PDZRN4: variants seen among roughly 807,000 people sequenced by gnomAD.
The protein encoded by PDZRN4 is PDZ domain-containing RING finger protein 4.
Under a neutral mutation model 99.0 loss-of-function variants are expected in PDZRN4, and 70 were observed. The ratio of observed to expected loss-of-function variants is 0.71; its 90% confidence interval spans 0.58 to 0.86. PDZRN4 has a LOEUF of 0.86. Among genes scored for constraint, PDZRN4 ranks in the 40% least tolerant of loss-of-function variants. The probability of loss-of-function intolerance (pLI) is 0.00; values close to 1 mark genes in which losing one functional copy is unlikely to be tolerated. For missense variants in PDZRN4, 1,474 were observed against 1,331.2 expected (o/e 1.11, Z -1.67); for synonymous variants, 551 against 501.6 (o/e 1.10, Z -1.32).
At chr12:41,489,288 T>C (rs897708496) in intron 3 of PDZRN4, among the ~76,000 whole-genome samples, 1 of 152,042 alleles carries the variant, frequency 6.6e-6, no homozygotes, top group African/African-American at 2.4e-5. Context: ...TGACATCTAG[T>C]GGGTAAAGGC....
intron 3 of PDZRN4, among the ~76,000 whole-genome samples, chr12:41,335,829 G>A (rs999621726): frequency 6.6e-6 from 1 of 151,978 alleles, no homozygotes; most frequent in African/African-American, 2.4e-5. Context: ...CAACATGGTA[G>A]CTTTATCTCA....
At chr12:41,329,078 A>C (rs1044675638) in intron 3 of PDZRN4, among the ~76,000 whole-genome samples, 1 of 152,028 alleles carries the variant, frequency 6.6e-6, no homozygotes, top group African/African-American at 2.4e-5. Flanking sequence ...TTCAACTTTA[A>C]ATTTCTTCCT....
chr12:41,551,186 G>A (rs1240160909), intron 5 of PDZRN4, among the ~76,000 whole-genome samples: 1 of 152,024 alleles, frequency 6.6e-6, no homozygotes, highest in Non-Finnish European at 1.5e-5. Context: ...CCTCATAGAG[G>A]TCACCTTCTC....
At chr12:41,418,621 A>G (rs1460438353) in intron 3 of PDZRN4, among the ~76,000 whole-genome samples, 1 of 152,214 alleles carries the variant, frequency 6.6e-6, no homozygotes, top group Non-Finnish European at 1.5e-5. Context: ...AATCTGTGAG[A>G]GTCACTACAT....
chr12:41,470,042 T>C (rs76580089), intron 3 of PDZRN4, among the ~76,000 whole-genome samples: 1,767 of 152,326 alleles, frequency 0.012, 28 homozygotes, highest in African/African-American at 0.041. Flanking sequence ...CTGTGGAAAG[T>C]CCTGTCATTT....
At chr12:41,469,637 A>G (rs530263408) in intron 3 of PDZRN4, among the ~76,000 whole-genome samples, 9 of 152,288 alleles carry the variant, frequency 5.9e-5, no homozygotes, top group Middle Eastern at 3.4e-3. Flanking sequence ...GGAAACCCCA[A>G]TGAAATGCTT....
intron 8 of PDZRN4, 105 bp from the exon 9 acceptor site, chr12:41,567,678 C>T: frequency 2.3e-6 from 1 of 434,832 alleles, no homozygotes; most frequent in Middle Eastern, 4.5e-4. Flanking sequence ...TGAAGAGAAT[C>T]ATTATGATAA....
At chr12:41,554,628 A>G (rs1262888229) in intron 6 of PDZRN4, among the ~76,000 whole-genome samples, 1 of 152,198 alleles carries the variant, frequency 6.6e-6, no homozygotes, top group Non-Finnish European at 1.5e-5. Flanking sequence ...ATCACATGAA[A>G]TCTGATAGAT....
chr12:41,221,770 C>T (rs561799181), intron 3 of PDZRN4, among the ~76,000 whole-genome samples: 2 of 152,048 alleles, frequency 1.3e-5, no homozygotes, highest in South Asian at 4.2e-4. Context: ...ACTTATTTGT[C>T]CTCAAGAAAG....
In PDZRN4 at chr12:41,508,774, G is replaced by C. The variant is rs534850809; in HGVS notation, c.1101-1037G>C. Among the ~76,000 whole-genome samples, 32 of 152,240 alleles carry C rather than the reference G, an allele frequency of 2.1e-4. 1 individual carries two copies. The highest frequency in any genetic ancestry group is 4.0e-4 in the Non-Finnish European group (27 of 67,992). On this transcript the variant is annotated intron_variant, in intron 4 of 9. Transcript: ENST00000402685. ...AGATAGTAGTGAGGAGAGGCTGGTAGAATATTTACGCTGACTATAGTATGA... is the reference window on the plus strand; with the variant it reads ...AGATAGTAGTGAGGAGAGGCTGGTACAATATTTACGCTGACTATAGTATGA...
At chr12:41,205,486 T>A (rs1950842772) in intron 3 of PDZRN4, among the ~76,000 whole-genome samples, 1 of 152,072 alleles carries the variant, frequency 6.6e-6, no homozygotes, top group South Asian at 2.1e-4. Flanking sequence ...GCTCACATTG[T>A]TCAAGCTACA....
chr12:41,420,886 T>C (rs1952483216), intron 3 of PDZRN4, among the ~76,000 whole-genome samples: 1 of 152,194 alleles, frequency 6.6e-6, no homozygotes, highest in Non-Finnish European at 1.5e-5. Flanking sequence ...ATCTTTGTTC[T>C]GAGAAGCACC....
chr12:41,193,404 A>G (rs1417774666), intron 2 of PDZRN4, among the ~76,000 whole-genome samples: 1 of 152,174 alleles, frequency 6.6e-6, no homozygotes, highest in Non-Finnish European at 1.5e-5. Context: ...ATAAGCTTTG[A>G]CTTCTTGTGA....
At chr12:41,193,399 CT>C (rs1396192323) in intron 2 of PDZRN4, among the ~76,000 whole-genome samples, 1 of 152,096 alleles carries the variant, frequency 6.6e-6, no homozygotes, top group Non-Finnish European at 1.5e-5. Flanking sequence ...CCTAAATAAG[CT>C]TTGACTTCTT....
At chr12:41,398,429 GT>G (rs1952265964) in intron 3 of PDZRN4, among the ~76,000 whole-genome samples, 1 of 151,852 alleles carries the variant, frequency 6.6e-6, no homozygotes, top group African/African-American at 2.4e-5. Context: ...AGAAAAGAAA[GT>G]GAAGGGAAAG....
chr12:41,366,605 CT>C (rs1025327372), intron 3 of PDZRN4, among the ~76,000 whole-genome samples: 3 of 151,900 alleles, frequency 2.0e-5, no homozygotes, highest in African/African-American at 7.3e-5. Flanking sequence ...ATAATGTTTC[CT>C]TTTGGGGTAA....
chr12:41,338,062 A>G (rs993943141), intron 3 of PDZRN4, among the ~76,000 whole-genome samples: 5 of 152,010 alleles, frequency 3.3e-5, no homozygotes, highest in African/African-American at 1.2e-4. Context: ...CCCAACCCCT[A>G]TGTGCTGTCT....
intron 3 of PDZRN4, among the ~76,000 whole-genome samples, chr12:41,249,457 T>C (rs1951154216): frequency 6.6e-6 from 1 of 152,120 alleles, no homozygotes; most frequent in Non-Finnish European, 1.5e-5. Flanking sequence ...CCAGACAATA[T>C]GGGAATGTAC....
chr12:41,188,606 C>T lies in PDZRN4; in HGVS notation c.151C>T (p.Arg51Trp), dbSNP rs780878674. 3.2e-6 allele frequency: 5 copies of T among 1,539,576 alleles called. No homozygotes were observed. In the Admixed American group the frequency reaches 5.8e-5, roughly 18 times the overall value. Reference protein sequence around the residue: ...CLLPWAVRRRRCPLQCQPLAP... With the variant: ...CLLPWAVRRRWCPLQCQPLAP... ...GTTGCCCTGGGCGGTGCGGAGGCGC[C>T]GGTGCCCGCTGCAGTGCCAGCCCTT... The change falls in exon 1 of 10, where the codon CGG becomes TGG. Residue 51 changes from arginine to tryptophan, a missense_variant. Coordinates refer to ENST00000402685, the MANE Select transcript of PDZRN4 (RefSeq NM_001164595.2).
Sources: gnomAD v4.1 joint callset for allele counts (sites outside exome capture counted in the v4.1 genomes callset) on GRCh38, gnomAD v4.1.1 for gene constraint, MANE v1.5 for transcripts, NCBI Gene and HGNC (gene_info 2026-07-23, HGNC 2026-07-21) for gene names.